The following SAAL1 variants were observed in gnomAD, a reference collection of about 807,000 sequenced individuals.
SAAL1 encodes protein SAAL1.
A neutral mutation model predicts 59.8 loss-of-function variants in SAAL1; 42 were observed. The ratio of observed to expected loss-of-function variants is 0.70; its 90% CI spans 0.55 to 0.91. The LOEUF is 0.91. Ranked by LOEUF, SAAL1 falls within the 40% of genes least tolerant of loss-of-function variation. The pLI is 0.00. For synonymous variants in SAAL1, 191 were observed against 194.3 expected, an observed-to-expected ratio of 0.98 and a Z score of 0.14; for missense variants, 542 against 561.1, an observed-to-expected ratio of 0.97 and a Z score of 0.34.
At position 18,106,046 on chromosome 11, in the gene SAAL1, T is replaced by G; in HGVS notation, c.-5A>C. Reference sequence around the variant, plus strand: ...CGGCGAGGGGTTGCGGTCCATGACTTTGTCGCGTCCCGCGCTTGAAGGCCG... The same window carrying G: ...CGGCGAGGGGTTGCGGTCCATGACTGTGTCGCGTCCCGCGCTTGAAGGCCG... On this transcript the variant is annotated 5_prime_UTR_variant, in exon 1 of 12. Coordinates refer to ENST00000524803, the MANE Select transcript of SAAL1 (RefSeq NM_138421.3). The G allele has an allele frequency of 6.3e-7, 1 of 1,599,240 alleles. No individual in the cohort carries two copies.
In SAAL1 at chr11:18,105,425, G is replaced by A. The variant is rs187735215; in HGVS notation, c.135+482C>T. The stretch of plus-strand genomic sequence containing the variant: ...CTGGCTCAAGCGATCCTTCCGCCTC[G>A]GCCTCCCAAAGTGTTGGGATTACAG... On this transcript the variant is annotated intron_variant, in intron 1 of 11. Coordinates refer to ENST00000524803, the MANE Select transcript of SAAL1 (RefSeq NM_138421.3). Among the ~76,000 whole-genome samples the A allele has an allele frequency of 1.4e-3, 207 of 149,810 alleles. 1 individual carries two copies. The highest frequency in any genetic ancestry group is 5.1e-3 in the African/African-American group (203 of 40,036).
Position 18,092,278 on chromosome 11 carries a change from A to G in SAAL1, c.380T>C (p.Ile127Thr). The G allele has an allele frequency of 6.2e-7, 1 of 1,607,316 alleles. No individual in the cohort carries two copies. Among genetic ancestry groups the G allele is most frequent in the Non-Finnish European group, 8.5e-7 (1 of 1,173,884 alleles). ...ILGNMACFQE[I>T]CVSISSDKNL... ...TTTATCACTGCTGATGGACACACAT[A>G]TCTCCTGGAAACAGGCCATATTACC... The change falls in exon 4 of 12, where the codon ATA (isoleucine) becomes ACA (threonine). Residue 127 changes from isoleucine (I) to threonine (T), a missense_variant. By Grantham distance (89) the Ile-to-Thr change is moderately conservative. Transcript: ENST00000524803.
intron 2 of SAAL1, among the ~76,000 whole-genome samples, chr11:18,101,436 A>T (rs1848631931): frequency 6.6e-6 from 1 of 152,046 alleles, no homozygotes; most frequent in South Asian, 2.1e-4. Flanking sequence ...ATGAGATCTG[A>T]TAGTTTTATA....
chr11:18,097,406 C>G (rs1474387108), intron 2 of SAAL1, among the ~76,000 whole-genome samples: 1 of 152,118 alleles, frequency 6.6e-6, no homozygotes, highest in Non-Finnish European at 1.5e-5. Flanking sequence ...CTACAATACT[C>G]CAGAGGATTA....
At chr11:18,098,549 T>C (rs1848600968) in intron 2 of SAAL1, among the ~76,000 whole-genome samples, 1 of 152,244 alleles carries the variant, frequency 6.6e-6, no homozygotes, top group Non-Finnish European at 1.5e-5. Context: ...TAACTTAAAA[T>C]ATAAGCTGCA....
intron 7 of SAAL1, among the ~76,000 whole-genome samples, chr11:18,088,518 A>T (rs986213455): frequency 6.6e-5 from 10 of 152,208 alleles, no homozygotes; most frequent in Non-Finnish European, 1.3e-4. Context: ...CAGGGAATTC[A>T]AGTAAAAGAA....
At chr11:18,105,362 G>C (rs897225731) in intron 1 of SAAL1, among the ~76,000 whole-genome samples, 2 of 137,324 alleles carry the variant, frequency 1.5e-5, no homozygotes, top group African/African-American at 5.5e-5. Context: ...TAAGTTTGTA[G>C]AAACCAGGTC....
At chr11:18,098,484 G>A (rs1281073315) in intron 2 of SAAL1, among the ~76,000 whole-genome samples, 3 of 152,170 alleles carry the variant, frequency 2.0e-5, no homozygotes, top group Non-Finnish European at 4.4e-5. Flanking sequence ...TTAAGTCTCT[G>A]GCTGTCCACT....
chr11:18,096,768 T>C lies in SAAL1; in HGVS notation c.333+3A>G. 7.1e-7 allele frequency: 1 copy of C among 1,418,212 alleles called. No individual in the cohort carries two copies. The highest frequency in any genetic ancestry group is 1.0e-6 in the Non-Finnish European group (1 of 1,002,264). 87.9% of individuals were successfully genotyped at this position (1,418,212 alleles called of 1,614,324 possible). On this transcript the variant is annotated splice_donor_region_variant and intron_variant, in intron 3 of 11. Coordinates refer to ENST00000524803, the MANE Select transcript of SAAL1 (RefSeq NM_138421.3). ...AGAAGGCTTTAGAAATGTACATACT[T>C]ACTCTTAATCGAGGACACTTGGACT...
At position 18,089,220 on chromosome 11, in the gene SAAL1, T is replaced by C; in HGVS notation, c.770+110A>G. The C allele has an allele frequency of 2.2e-6, 2 of 910,988 alleles. 1 individual carries two copies. The allele number at this position is 910,988 out of a possible 1,614,324, so 56.4% of individuals were successfully genotyped here. The stretch of plus-strand genomic sequence containing the variant: ...AGTAGTGAATTAACGTAACAAGGAG[T>C]GACTATGTACTTTATTCTGTTGTAA... On this transcript the variant is annotated intron_variant, in intron 7 of 11. Coordinates refer to ENST00000524803, the MANE Select transcript of SAAL1 (RefSeq NM_138421.3).
chr11:18,089,206 A>C, intron 7 of SAAL1, 124 bp downstream of exon 7: 1 of 791,300 alleles, frequency 1.3e-6, no homozygotes, highest in Non-Finnish European at 1.9e-6. Flanking sequence ...GTAGTGAATT[A>C]ACGTAACAAG....
intron 7 of SAAL1, 137 bp downstream of exon 7, chr11:18,089,193 G>T (rs879030352): frequency 7.4e-6 from 5 of 676,850 alleles, no homozygotes; most frequent in Non-Finnish European, 1.2e-5. Context: ...ATCACAAATA[G>T]TAGTAGTGAA....
At chr11:18,082,905 A>G (rs1167910517) in intron 10 of SAAL1, among the ~76,000 whole-genome samples, 2 of 152,192 alleles carry the variant, frequency 1.3e-5, no homozygotes, top group Non-Finnish European at 2.9e-5. Context: ...TGCTGGGATT[A>G]TAGGCGCCTG....
chr11:18,104,853 G>A (rs1848671148), intron 1 of SAAL1, among the ~76,000 whole-genome samples: 1 of 152,070 alleles, frequency 6.6e-6, no homozygotes, highest in African/African-American at 2.4e-5. Flanking sequence ...CAGGCAAAAA[G>A]AACTAAGAGC....
intron 10 of SAAL1, among the ~76,000 whole-genome samples, chr11:18,082,396 A>C (rs1848420003): frequency 6.6e-6 from 1 of 152,226 alleles, no homozygotes; most frequent in Non-Finnish European, 1.5e-5. Context: ...TGACATAAAA[A>C]TTATAATACC....
At chr11:18,081,323 G>T in intron 11 of SAAL1, 88 bp downstream of exon 11, 3 of 886,716 alleles carry the variant, frequency 3.4e-6, no homozygotes, top group South Asian at 1.6e-5. Context: ...TATCATTTTT[G>T]ACAATGACCT....
chr11:18,086,653 A>G (rs568131105), intron 9 of SAAL1, among the ~76,000 whole-genome samples: 93 of 152,304 alleles, frequency 6.1e-4, no homozygotes, highest in African/African-American at 2.2e-3. Flanking sequence ...CTGAGCCAAG[A>G]TTGTACCACT....
At position 18,090,470 on chromosome 11, in the gene SAAL1, T is replaced by C. The variant is rs755993430; in HGVS notation, c.437A>G (p.Tyr146Cys). 9 of 1,609,188 alleles carry C rather than the reference T, an allele frequency of 5.6e-6. No individual in the cohort carries two copies. The highest frequency in any genetic ancestry group is 7.6e-6 in the Non-Finnish European group (9 of 1,178,822). ...NLGQVLLHCLYDSDPPTLLET... is the reference protein window; with the variant it reads ...NLGQVLLHCLCDSDPPTLLET... ...CAGCAGAGTAGGTGGGTCTGAATCA[T>C]ACAAACAGTGCAATAACACCTGCCT... is the stretch of plus-strand genomic sequence containing the variant. Residue 146 changes from tyrosine to cysteine, a missense_variant, in exon 5 of 12, where the codon TAT becomes TGT. Tyr to Cys is a radical substitution (Grantham distance 194). Transcript: ENST00000524803.
At chr11:18,085,750 A>G (rs1043219661) in intron 9 of SAAL1, among the ~76,000 whole-genome samples, 1 of 152,240 alleles carries the variant, frequency 6.6e-6, no homozygotes, top group African/African-American at 2.4e-5. Flanking sequence ...CAGAATATAT[A>G]GGGGAATTTT....
Sources: gnomAD v4.1 joint callset for allele counts (sites outside exome capture counted in the v4.1 genomes callset) on GRCh38, gnomAD v4.1.1 for gene constraint, MANE v1.5 for transcripts, NCBI Gene and HGNC (gene_info 2026-07-23, HGNC 2026-07-21) for gene names.